The following EXT2 variants were observed in gnomAD, a reference collection of about 807,000 sequenced individuals.
EXT2 encodes exostosin glycosyltransferase 2.
Under a neutral mutation model 81.6 loss-of-function variants are expected in EXT2, and 53 were observed. The observed-to-expected ratio is 0.65, with a 90% confidence interval of 0.52 to 0.82. The LOEUF is 0.82. EXT2 is among the 40% of genes least tolerant of loss of function. EXT2 has a pLI of 0.00. For missense variants in EXT2, 774 were observed against 910.2 expected, an observed-to-expected ratio of 0.85 and a Z score of 1.93; for synonymous variants, 320 against 340.0, an observed-to-expected ratio of 0.94 and a Z score of 0.65.
intron 13 of EXT2, among the ~76,000 whole-genome samples, chr11:44,241,249 G>C (rs117999958): frequency 6.6e-6 from 1 of 152,040 alleles, no homozygotes; most frequent in African/African-American, 2.4e-5. Flanking sequence ...CAAGGTTAGG[G>C]CAATATGACG....
At chr11:44,237,869 G>A (rs1471410997) in intron 13 of EXT2, among the ~76,000 whole-genome samples, 1 of 144,108 alleles carries the variant, frequency 6.9e-6, no homozygotes, top group East Asian at 2.0e-4. Context: ...TTCAAGACCA[G>A]GCTGACCAAC....
At chr11:44,211,848 T>C (rs1955652016) in intron 10 of EXT2, among the ~76,000 whole-genome samples, 2 of 152,230 alleles carry the variant, frequency 1.3e-5, no homozygotes, top group Admixed American at 1.3e-4. Context: ...TAAATGTTTA[T>C]GGAGCTATCA....
chr11:44,138,154 C>T (rs963358111), intron 7 of EXT2, among the ~76,000 whole-genome samples: 1 of 152,042 alleles, frequency 6.6e-6, no homozygotes, highest in Non-Finnish European at 1.5e-5. Flanking sequence ...GCACGGGAGG[C>T]AGGGGAGAGC....
In EXT2 at chr11:44,108,143, C is replaced by G. The variant is rs754808960; in HGVS notation, c.431C>G (p.Thr144Ser). ...LMAISDSDYY[T>S]DDINRACLFV... is the part of the protein sequence containing the mutation. ...GCCATCTCAGACAGTGACTACTACA[C>G]TGATGACATCAACCGGGCCTGTCTG... The change falls in exon 2 of 14, where the codon ACT becomes AGT. Residue 144 changes from threonine (T) to serine (S), a missense_variant. Around this residue, in one of 2 missense-constraint regions of EXT2, gnomAD observed 626 missense variants for 670.5 expected, o/e 0.93. Transcript: ENST00000533608. The G allele has an allele frequency of 6.2e-7, 1 of 1,614,206 alleles. No individual in the cohort carries two copies. The highest frequency in any genetic ancestry group is 8.5e-7 in the Non-Finnish European group (1 of 1,180,044).
At chr11:44,114,470 A>C (rs1954193614) in intron 4 of EXT2, among the ~76,000 whole-genome samples, 169 bp downstream of exon 4, 1 of 152,142 alleles carries the variant, frequency 6.6e-6, no homozygotes, top group African/African-American at 2.4e-5. Flanking sequence ...TTCATCTTGC[A>C]GTTTTCTCTG....
chr11:44,220,508 A>C lies in EXT2; in HGVS notation c.1663-11845A>C, dbSNP rs993067095. ...CTTTAGAAGAGAATGGGCCACAAAC[A>C]GCTCATTTCTGTGAGTGTTCCCACC... is the stretch of plus-strand genomic sequence containing the variant. On this transcript the variant is annotated intron_variant, in intron 10 of 13. Coordinates refer to ENST00000533608, the MANE Select transcript of EXT2 (RefSeq NM_207122.2). The surrounding 1 kb of genome is among the most constrained non-coding windows in gnomAD (Gnocchi z 4.4). 6.6e-6 allele frequency among the ~76,000 whole-genome samples: 1 copy of C among 152,206 alleles called. No homozygotes were observed. The highest frequency in any genetic ancestry group is 2.4e-5 in the African/African-American group (1 of 41,452).
chr11:44,207,035 T>C (rs1476665136), intron 10 of EXT2, 76 bp downstream of exon 10: 1 of 1,486,504 alleles, frequency 6.7e-7, no homozygotes, highest in Non-Finnish European at 9.3e-7. Flanking sequence ...TAAAAAAGAG[T>C]ATTATATTTC....
At chr11:44,183,506 C>G (rs907019134) in intron 8 of EXT2, among the ~76,000 whole-genome samples, 2 of 152,034 alleles carry the variant, frequency 1.3e-5, no homozygotes, top group African/African-American at 4.8e-5. Context: ...TTTTCATTCT[C>G]TCTTTGAATA....
intron 4 of EXT2, among the ~76,000 whole-genome samples, chr11:44,122,691 G>A (rs989094559): frequency 6.6e-6 from 1 of 152,324 alleles, no homozygotes; most frequent in African/African-American, 2.4e-5. Flanking sequence ...CTGGGTTGCT[G>A]TTGTATATCT....
chr11:44,146,047 G>A (rs943551136), intron 7 of EXT2, among the ~76,000 whole-genome samples: 4 of 152,214 alleles, frequency 2.6e-5, no homozygotes, highest in Non-Finnish European at 5.9e-5. Flanking sequence ...CAAGATCAAC[G>A]AGTTGGCAGG....
intron 4 of EXT2, among the ~76,000 whole-genome samples, chr11:44,119,124 TTATATATATA>T (rs200249806): frequency 0.013 from 339 of 25,636 alleles, 15 homozygotes; most frequent in Admixed American, 0.021. Context: ...ATTTGGCTAT[TTATATATATA>T]TATATATATA....
At chr11:44,146,750 G>A (rs1308081168) in intron 7 of EXT2, among the ~76,000 whole-genome samples, 1 of 152,178 alleles carries the variant, frequency 6.6e-6, no homozygotes, top group East Asian at 1.9e-4. Context: ...GGTATCAATG[G>A]AAAGATTCTT....
intron 12 of EXT2, 45 bp downstream of exon 12, chr11:44,234,288 A>G: frequency 7.6e-6 from 12 of 1,572,956 alleles, no homozygotes; most frequent in Non-Finnish European, 1.0e-5. Context: ...TTGGGCAAAT[A>G]TCTATTATCT....
rs1403194559 is a variant in EXT2 at position 44,244,195 on chromosome 11, C to T, written c.2065C>T (p.Leu689Phe). The change falls in exon 14 of 14, where the codon CTC (leucine) becomes TTC (phenylalanine). Residue 689 changes from leucine to phenylalanine, a missense_variant. Physicochemically the swap from Leu to Phe is conservative, Grantham distance 22 (BLOSUM62 0). Transcript: ENST00000533608. Reference protein sequence around the residue: ...KFASVFGTMPLKVVEHRADPV... With the variant: ...KFASVFGTMPFKVVEHRADPV... ...TGCTTCAGTCTTCGGGACCATGCCT[C>T]TCAAGGTGGTGGAACACCGAGCTGA... 2.5e-6 allele frequency: 4 copies of T among 1,614,064 alleles called. No individual in the cohort carries two copies. The highest frequency in any genetic ancestry group is 2.2e-5 in the South Asian group (2 of 91,080).
intron 8 of EXT2, among the ~76,000 whole-genome samples, chr11:44,183,675 T>G (rs1403528081): frequency 6.6e-6 from 1 of 152,168 alleles, no homozygotes; most frequent in Non-Finnish European, 1.5e-5. Flanking sequence ...GCTAGATAAC[T>G]TTTTCACATC....
intron 1 of EXT2, among the ~76,000 whole-genome samples, chr11:44,102,602 A>G (rs1338186638): frequency 1.3e-5 from 2 of 148,966 alleles, no homozygotes; most frequent in Non-Finnish European, 3.0e-5. Flanking sequence ...ACAGGTAGCA[A>G]GCAAAATATG....
Position 44,165,315 on chromosome 11 carries a change from T to G in EXT2, c.1174-6296T>G, listed in dbSNP as rs558780985. Among the ~76,000 whole-genome samples, 344 of 152,334 alleles carry G rather than the reference T, an allele frequency of 2.3e-3. 1 individual carries two copies. The highest frequency in any genetic ancestry group is 7.7e-3 in the African/African-American group (322 of 41,566). ...GCCAGCGTAGCTGAAGACTCCTTCC[T>G]CTCTGTGGACAAGCAGGCTATACTA... On this transcript the variant is annotated intron_variant, in intron 7 of 13. Coordinates refer to ENST00000533608, the MANE Select transcript of EXT2 (RefSeq NM_207122.2).
chr11:44,244,778 C>T lies in EXT2; in HGVS notation c.*491C>T, dbSNP rs1329162969. The T allele has an allele frequency of 1.2e-5, 3 of 257,690 alleles. No homozygotes were observed. The highest frequency in any genetic ancestry group is 2.3e-5 in the Non-Finnish European group (3 of 132,056). The allele number at this position is 257,690 out of a possible 1,614,324, so 16.0% of individuals were successfully genotyped here. On this transcript the variant is annotated 3_prime_UTR_variant, in exon 14 of 14. Coordinates refer to ENST00000533608, the MANE Select transcript of EXT2 (RefSeq NM_207122.2). ...AGAATTCGGTGCAAAAGCCAAACAT[C>T]TTGGTGGGATTTGATAAATGCCTTG...
intron 8 of EXT2, among the ~76,000 whole-genome samples, chr11:44,188,677 C>A (rs1173485675): frequency 6.6e-6 from 1 of 152,086 alleles, no homozygotes; most frequent in Non-Finnish European, 1.5e-5. Context: ...CGAGAACTAC[C>A]AGAAACAGAC....
Sources: allele counts gnomAD v4.1 joint callset (sites outside exome capture counted in the v4.1 genomes callset), GRCh38; gene constraint gnomAD v4.1.1; regional missense constraint gnomAD v4.1.1; non-coding constraint Gnocchi (gnomAD v3.1); transcripts MANE v1.5; gene names NCBI Gene and HGNC (gene_info 2026-07-23, HGNC 2026-07-21).